NEGR1: variants seen among roughly 807,000 people sequenced by gnomAD.
The protein encoded by NEGR1 is IgLON family member 4.
Under a neutral mutation model 40.9 loss-of-function variants are expected in NEGR1, and 10 were observed. That is an observed-to-expected ratio of 0.24 (90% CI 0.15 to 0.42). NEGR1 has a LOEUF of 0.42. Ranked by LOEUF, NEGR1 falls within the 10% of genes least tolerant of loss-of-function variation. NEGR1 has a pLI of 1.00. For synonymous variants in NEGR1, 185 were observed against 166.8 expected, an observed-to-expected ratio of 1.11 and a Z score of -0.84; for missense variants, 352 against 438.9, an observed-to-expected ratio of 0.80 and a Z score of 1.77.
intron 1 of NEGR1, among the ~76,000 whole-genome samples, chr1:71,980,991 C>T (rs1646349691): frequency 6.6e-6 from 1 of 152,116 alleles, no homozygotes; most frequent in African/African-American, 2.4e-5. Flanking sequence ...ATGTTTCTTT[C>T]TTCTGTGCAT....
chr1:71,785,515 A>G (rs1198623648), intron 2 of NEGR1, among the ~76,000 whole-genome samples: 1 of 152,140 alleles, frequency 6.6e-6, no homozygotes, highest in Non-Finnish European at 1.5e-5. Flanking sequence ...CATTGAGCCA[A>G]TGATTCCCCT....
chr1:71,671,920 A>G (rs1380893721), intron 4 of NEGR1, among the ~76,000 whole-genome samples: 1 of 139,644 alleles, frequency 7.2e-6, no homozygotes, highest in Non-Finnish European at 1.5e-5. Flanking sequence ...TTGTTTTAAG[A>G]GACAGCTCTC....
chr1:72,162,434 C>G (rs1435056672), intron 1 of NEGR1, among the ~76,000 whole-genome samples: 1 of 152,056 alleles, frequency 6.6e-6, no homozygotes, highest in Non-Finnish European at 1.5e-5. Flanking sequence ...CCACTGCACT[C>G]CAGCCTAGGC....
rs371674629 is a variant in NEGR1 at position 72,132,029 on chromosome 1, G to A, written c.176+150290C>T. Among the ~76,000 whole-genome samples, 24 of 152,222 alleles carry A rather than the reference G, an allele frequency of 1.6e-4. No homozygotes were observed. In the East Asian group the frequency reaches 2.3e-3, roughly 15 times the overall value. ...CAGGAGAATCGCTTTAACTTGGGAG[G>A]TGGAGGGTACAGTGAGCCTAGATTC... On this transcript the variant is annotated intron_variant, in intron 1 of 6. Coordinates refer to ENST00000357731, the MANE Select transcript of NEGR1 (RefSeq NM_173808.3).
intron 1 of NEGR1, among the ~76,000 whole-genome samples, chr1:71,949,140 C>A (rs1646047015): frequency 6.6e-6 from 1 of 152,098 alleles, no homozygotes. Flanking sequence ...TTTTTCTCAA[C>A]CTTCACATTT....
intron 6 of NEGR1, among the ~76,000 whole-genome samples, chr1:71,498,881 C>A (rs1015903785): frequency 6.6e-6 from 1 of 152,072 alleles, no homozygotes; most frequent in Non-Finnish European, 1.5e-5. Context: ...TGCCCACTAC[C>A]CAGCTGCCTG....
rs180804622 is a variant in NEGR1 at position 72,096,254 on chromosome 1, C to A, written c.177-160943G>T. Among the ~76,000 whole-genome samples, 4 of 152,204 alleles carry A rather than the reference C, an allele frequency of 2.6e-5. No individual in the cohort carries two copies. The East Asian group carries it at 5.8e-4, about 22-fold the overall frequency. Reference sequence around the variant, plus strand: ...AGGAAAATGCTTCATTTATTCAATTCTTTGGTTTATGAAGCCCTTAGAATT... The same window carrying A: ...AGGAAAATGCTTCATTTATTCAATTATTTGGTTTATGAAGCCCTTAGAATT... On this transcript the variant is annotated intron_variant, in intron 1 of 6. Coordinates refer to ENST00000357731, the MANE Select transcript of NEGR1 (RefSeq NM_173808.3).
At chr1:71,600,029 C>A (rs1266207002) in intron 5 of NEGR1, among the ~76,000 whole-genome samples, 1 of 152,166 alleles carries the variant, frequency 6.6e-6, no homozygotes, top group African/African-American at 2.4e-5. Context: ...ACAACCATTT[C>A]TCAGAAACTA....
At chr1:71,995,815 T>C (rs1646499502) in intron 1 of NEGR1, among the ~76,000 whole-genome samples, 1 of 152,178 alleles carries the variant, frequency 6.6e-6, no homozygotes. Context: ...AACACAAACA[T>C]GATATTCTAG....
rs114817991 is a variant in NEGR1 at position 71,482,349 on chromosome 1, A to G, written c.941-74779T>C. On this transcript the variant is annotated intron_variant, in intron 6 of 6. Coordinates refer to ENST00000357731, the MANE Select transcript of NEGR1 (RefSeq NM_173808.3). ...ATTTTTTTTAACATAGCAGGCAAAAAAAGCACCTGCCACAGATAATCTTTC... is the reference window on the plus strand; with the variant it reads ...ATTTTTTTTAACATAGCAGGCAAAAGAAGCACCTGCCACAGATAATCTTTC... Among the ~76,000 whole-genome samples, 1,407 of 151,980 alleles carry G rather than the reference A, an allele frequency of 9.3e-3. 23 individuals carry two copies. Among genetic ancestry groups the G allele is most frequent in the African/African-American group, 0.032 (1,340 of 41,522 alleles).
At chr1:71,812,012 C>T (rs1658021697) in intron 2 of NEGR1, among the ~76,000 whole-genome samples, 1 of 151,654 alleles carries the variant, frequency 6.6e-6, no homozygotes, top group Non-Finnish European at 1.5e-5. Flanking sequence ...GGTATTAAGC[C>T]CCACATGCAT....
intron 1 of NEGR1, among the ~76,000 whole-genome samples, chr1:72,209,116 A>C (rs894533258): frequency 1.3e-5 from 2 of 151,750 alleles, no homozygotes; most frequent in East Asian, 3.9e-4. Context: ...TTCAACACCA[A>C]GAGATTTAGA....
chr1:72,109,386 C>T (rs11209912), intron 1 of NEGR1, among the ~76,000 whole-genome samples: 35 of 151,714 alleles, frequency 2.3e-4, no homozygotes, highest in African/African-American at 8.2e-4. Flanking sequence ...TAATTCTAAA[C>T]ATGTGATAAG....
At chr1:71,563,927 A>C (rs1648538351) in intron 6 of NEGR1, among the ~76,000 whole-genome samples, 1 of 151,830 alleles carries the variant, frequency 6.6e-6, no homozygotes, top group African/African-American at 2.4e-5. Context: ...GTGACAGACG[A>C]CTGGAACAGA....
chr1:71,671,259 C>T (rs919448630), intron 4 of NEGR1, among the ~76,000 whole-genome samples: 4 of 152,014 alleles, frequency 2.6e-5, no homozygotes, highest in Non-Finnish European at 4.4e-5. Context: ...TAACCTTGCT[C>T]CTGGCAGTAG....
intron 6 of NEGR1, among the ~76,000 whole-genome samples, chr1:71,583,566 CTTAG>C (rs1488475087): frequency 6.6e-6 from 1 of 152,154 alleles, no homozygotes; most frequent in Non-Finnish European, 1.5e-5. Flanking sequence ...AATGTGTTTA[CTTAG>C]TTAATGTTAG....
At chr1:71,987,135 G>A (rs1051553618) in intron 1 of NEGR1, among the ~76,000 whole-genome samples, 20 of 152,044 alleles carry the variant, frequency 1.3e-4, no homozygotes, top group African/African-American at 4.8e-4. Context: ...TTTTTCAACA[G>A]TATACCTTTA....
At chr1:71,898,661 G>GT (rs71074811) in intron 2 of NEGR1, among the ~76,000 whole-genome samples, 33,277 of 130,350 alleles carry the variant, frequency 0.26, 4,426 homozygotes, top group East Asian at 0.5. Flanking sequence ...AAACTGCTTT[G>GT]TTTTTTTTTC....
intron 6 of NEGR1, among the ~76,000 whole-genome samples, chr1:71,571,286 C>T (rs1358120291): frequency 2.0e-5 from 3 of 152,296 alleles, no homozygotes; most frequent in Non-Finnish European, 1.5e-5. Flanking sequence ...TCAGGAAAGG[C>T]ACCATCACAT....
Sources: gnomAD v4.1 joint callset for allele counts (sites outside exome capture counted in the v4.1 genomes callset) on GRCh38, gnomAD v4.1.1 for gene constraint, MANE v1.5 for transcripts, NCBI Gene and HGNC (gene_info 2026-07-23, HGNC 2026-07-21) for gene names.